Variants in WDR72 observed in about 807,000 individuals in gnomAD.
The protein encoded by WDR72 is WD repeat-containing protein 72.
WDR72 carries 120 observed loss-of-function variants against 124.2 expected under a neutral mutation model. The ratio of observed to expected loss-of-function variants is 0.97; its 90% CI spans 0.83 to 1.12. WDR72 has a LOEUF of 1.12. Among genes scored for constraint, WDR72 ranks in the 50% most tolerant of loss-of-function variants. WDR72 has a pLI of 0.00. For synonymous variants in WDR72, 452 were observed against 441.7 expected, an observed-to-expected ratio of 1.02 and a Z score of -0.29; for missense variants, 1,387 against 1,278.8, an observed-to-expected ratio of 1.08 and a Z score of -1.29.
intron 13 of WDR72, among the ~76,000 whole-genome samples, chr15:53,672,674 C>T (rs941394611): frequency 6.6e-6 from 1 of 152,008 alleles, no homozygotes; most frequent in East Asian, 1.9e-4. Flanking sequence ...TATACATCTG[C>T]CCAAATGATG....
intron 1 of WDR72, among the ~76,000 whole-genome samples, chr15:53,748,622 C>T (rs2018700555): frequency 6.6e-6 from 1 of 152,138 alleles, no homozygotes; most frequent in South Asian, 2.1e-4. Context: ...TATCCCAGCA[C>T]TCTTAGTTGA....
intron 18 of WDR72, among the ~76,000 whole-genome samples, chr15:53,565,344 G>A (rs1466479827): frequency 6.6e-6 from 1 of 151,886 alleles, no homozygotes; most frequent in Non-Finnish European, 1.5e-5. Context: ...GAAAAAAAGT[G>A]TGTAAAAAGA....
At chr15:53,729,749 A>G (rs1234877601) in intron 2 of WDR72, among the ~76,000 whole-genome samples, 1 of 152,144 alleles carries the variant, frequency 6.6e-6, no homozygotes, top group Non-Finnish European at 1.5e-5. Context: ...AAGGCTTTCC[A>G]TTCAAAAACA....
At chr15:53,727,322 T>C (rs576988667) in intron 2 of WDR72, among the ~76,000 whole-genome samples, 1 of 152,214 alleles carries the variant, frequency 6.6e-6, no homozygotes, top group East Asian at 1.9e-4. Context: ...TTAATATCTA[T>C]TATGTTTTTT....
intron 16 of WDR72, among the ~76,000 whole-genome samples, chr15:53,611,469 A>T (rs1272170557): frequency 2.0e-5 from 3 of 152,060 alleles, no homozygotes; most frequent in Non-Finnish European, 4.4e-5. Context: ...TCCCCTTCCC[A>T]GTTACGAGTG....
At chr15:53,722,763 G>C in intron 3 of WDR72, 39 bp downstream of exon 3, 1 of 1,572,638 alleles carries the variant, frequency 6.4e-7, no homozygotes, top group Non-Finnish European at 8.8e-7. Context: ...AAAAGGGAAG[G>C]AAATGGAGAA....
intron 2 of WDR72, among the ~76,000 whole-genome samples, chr15:53,727,226 TAAA>T (rs57976197): frequency 2.9e-4 from 37 of 125,732 alleles, no homozygotes; most frequent in African/African-American, 1.0e-3. Context: ...AGACTCTGTC[TAAA>T]AAAAAAAAAA....
rs2140897815 is a variant in WDR72 at position 53,752,677 on chromosome 15, A to C, written c.-13+6956T>G. 1.3e-5 allele frequency among the ~76,000 whole-genome samples: 2 copies of C among 152,322 alleles called. 1 individual carries two copies. Among genetic ancestry groups the C allele is most frequent in the East Asian group, 3.9e-4 (2 of 5,188 alleles). ...CCCAGTGGGTGGTACTTTGTTATAC[A>C]TTCCTAGAAAAGTAATACAGCATTT... On this transcript the variant is annotated intron_variant, in intron 1 of 19. Transcript: ENST00000360509.
chr15:53,681,695 C>A (rs1483225543), intron 13 of WDR72, among the ~76,000 whole-genome samples: 3 of 152,104 alleles, frequency 2.0e-5, no homozygotes, highest in Non-Finnish European at 4.4e-5. Flanking sequence ...TAGAATGAGA[C>A]TGTATTGATT....
At chr15:53,546,787 A>C (rs16966184) in intron 18 of WDR72, among the ~76,000 whole-genome samples, 36,098 of 152,164 alleles carry the variant, frequency 0.24, 4,384 homozygotes, top group African/African-American at 0.28. Context: ...AAATACACAA[A>C]ATCAAAAATG....
chr15:53,602,050 C>T (rs1445132140), intron 17 of WDR72, among the ~76,000 whole-genome samples: 2 of 152,086 alleles, frequency 1.3e-5, no homozygotes, highest in Non-Finnish European at 2.9e-5. Context: ...TCTCTCATCA[C>T]CACAGGACAC....
At chr15:53,634,035 T>C (rs2014530946) in intron 14 of WDR72, among the ~76,000 whole-genome samples, 1 of 152,230 alleles carries the variant, frequency 6.6e-6, no homozygotes. Context: ...CAATTTAATT[T>C]AGAAATCAGT....
intron 13 of WDR72, among the ~76,000 whole-genome samples, chr15:53,688,193 G>A (rs1172402345): frequency 1.3e-5 from 2 of 150,838 alleles, no homozygotes; most frequent in Non-Finnish European, 2.9e-5. Flanking sequence ...ATTCAACATA[G>A]TGTTGGAAGT....
At chr15:53,698,604 C>G (rs933341946) in intron 13 of WDR72, among the ~76,000 whole-genome samples, 2 of 152,128 alleles carry the variant, frequency 1.3e-5, no homozygotes, top group African/African-American at 2.4e-5. Context: ...GTCCTATTAA[C>G]AGGTTCTGGA....
At chr15:53,689,556 T>C (rs2016766471) in intron 13 of WDR72, among the ~76,000 whole-genome samples, 2 of 147,926 alleles carry the variant, frequency 1.4e-5, no homozygotes, top group Non-Finnish European at 3.0e-5. Context: ...CATTAAAAAG[T>C]CAGGAAACAA....
rs757094234 is a variant in WDR72 at position 53,613,773 on chromosome 15, T to C, written c.2781-16A>G. 2.4e-5 allele frequency: 36 copies of C among 1,514,288 alleles called. No homozygotes were observed. The highest frequency in any genetic ancestry group is 2.8e-5 in the Non-Finnish European group (30 of 1,090,908). 93.8% of individuals were successfully genotyped at this position (1,514,288 alleles called of 1,614,324 possible). ...TCTGAAAGAACTGTTAGAAAAAAGATTGACAGCATATTACTAAAAAGCATG... is the reference window on the plus strand; with the variant it reads ...TCTGAAAGAACTGTTAGAAAAAAGACTGACAGCATATTACTAAAAAGCATG... On this transcript the variant is annotated splice_polypyrimidine_tract_variant and intron_variant, in intron 15 of 19. Coordinates refer to ENST00000360509, the MANE Select transcript of WDR72 (RefSeq NM_182758.4).
rs933297095 is a variant in WDR72, at chr15:53,600,928, T to C, written c.2953-3654A>G. ...ATTTATTTTTATGTTGAGTGTTTAATGTGTGAGGAGCAAAACAGACAATCT... is the reference window on the plus strand; with the variant it reads ...ATTTATTTTTATGTTGAGTGTTTAACGTGTGAGGAGCAAAACAGACAATCT... On this transcript the variant is annotated intron_variant, in intron 17 of 19. Transcript: ENST00000360509. Among the ~76,000 whole-genome samples, 58 of 152,320 alleles carry C rather than the reference T, an allele frequency of 3.8e-4. 1 individual carries two copies. The highest frequency in any genetic ancestry group is 1.3e-3 in the African/African-American group (53 of 41,584).
Position 53,517,215 on chromosome 15 carries a change from T to C in WDR72, c.*484A>G, listed in dbSNP as rs1891512768. 1 of 170,420 alleles carries C rather than the reference T, an allele frequency of 5.9e-6. No homozygotes were observed. Among genetic ancestry groups the C allele is most frequent in the South Asian group, 1.4e-4 (1 of 7,156 alleles). The allele number at this position is 170,420 out of a possible 1,614,324, so 10.6% of individuals were successfully genotyped here. On this transcript the variant is annotated 3_prime_UTR_variant, in exon 20 of 20. Coordinates refer to ENST00000360509, the MANE Select transcript of WDR72 (RefSeq NM_182758.4). ...AGTAATTGATCCGAATTAAAGCATA[T>C]CCACTAAAACAAAATATCCTAACCA...
intron 9 of WDR72, among the ~76,000 whole-genome samples, 187 bp from the exon 10 acceptor site, chr15:53,706,261 C>T (rs1411276909): frequency 2.0e-5 from 3 of 148,970 alleles, no homozygotes; most frequent in Non-Finnish European, 4.5e-5. Context: ...CTTTATAAAA[C>T]AAGAAGCAAA....
Sources: allele counts gnomAD v4.1 joint callset (sites outside exome capture counted in the v4.1 genomes callset), GRCh38; gene constraint gnomAD v4.1.1; transcripts MANE v1.5; gene names NCBI Gene and HGNC (gene_info 2026-07-23, HGNC 2026-07-21).